The following GALNT1 variants were observed in gnomAD, a reference collection of about 807,000 sequenced individuals.
GALNT1 encodes polypeptide N-acetylgalactosaminyltransferase 1, also known as GalNAc transferase 1.
In GALNT1, 17 loss-of-function variants were observed where a neutral mutation model predicts 65.7. The ratio of observed to expected loss-of-function variants is 0.26; its 90% CI spans 0.18 to 0.39. The LOEUF is 0.39. Ranked by LOEUF, GALNT1 falls within the 10% of genes least tolerant of loss-of-function variation. The probability of loss-of-function intolerance (pLI) is 1.00; values close to 1 mark genes in which losing one functional copy is unlikely to be tolerated. For missense variants in GALNT1, 460 were observed against 672.8 expected, an observed-to-expected ratio of 0.68 and a Z score of 3.50; for synonymous variants, 210 against 219.7, an observed-to-expected ratio of 0.96 and a Z score of 0.39.
intron 5 of GALNT1, among the ~76,000 whole-genome samples, chr18:35,685,420 T>G (rs1271002264): frequency 1.3e-5 from 2 of 152,036 alleles, no homozygotes; most frequent in Non-Finnish European, 2.9e-5. Flanking sequence ...CATGAATTTA[T>G]TGTTAGAAAA....
At chr18:35,642,831 A>T (rs1364323559) in intron 1 of GALNT1, among the ~76,000 whole-genome samples, 3 of 152,128 alleles carry the variant, frequency 2.0e-5, no homozygotes, top group African/African-American at 4.8e-5. Flanking sequence ...GACTAATAGG[A>T]TTCCTCGTTG....
chr18:35,637,796 G>A (rs375315100), intron 1 of GALNT1, among the ~76,000 whole-genome samples: 30 of 152,296 alleles, frequency 2.0e-4, no homozygotes, highest in Non-Finnish European at 3.7e-4. Flanking sequence ...ACTTTAAAGC[G>A]TCAAAGAACA....
chr18:35,697,800 T>G (rs1326878619), intron 9 of GALNT1, among the ~76,000 whole-genome samples: 2 of 152,226 alleles, frequency 1.3e-5, no homozygotes, highest in Non-Finnish European at 2.9e-5. Context: ...TCCTCACCCT[T>G]TATGATACTC....
intron 1 of GALNT1, among the ~76,000 whole-genome samples, chr18:35,604,563 A>G (rs1466236548): frequency 6.6e-6 from 1 of 152,216 alleles, no homozygotes; most frequent in African/African-American, 2.4e-5. Context: ...TTTTCCCTAC[A>G]GCTGCACCAG....
intron 1 of GALNT1, among the ~76,000 whole-genome samples, chr18:35,652,349 G>A (rs2047322254): frequency 6.6e-6 from 1 of 152,098 alleles, no homozygotes; most frequent in African/African-American, 2.4e-5. Context: ...TCCTTCCTCT[G>A]ACTTTTCATG....
At position 35,702,985 on chromosome 18, in the gene GALNT1, G is replaced by A. The variant is rs1322092034; in HGVS notation, c.1388G>A (p.Gly463Glu). Residue 463 changes from glycine to glutamate, a missense_variant, in exon 10 of 12, where the codon GGG becomes GAG. Transcript: ENST00000269195. Reference protein sequence around the residue: ...KVGIFNCHGMGGNQVFSYTAN... With the variant: ...KVGIFNCHGMEGNQVFSYTAN... ...GGAATTTTTAATTGCCATGGTATGG[G>A]GGGTAATCAGGTGAGTATCTTAGAA... is the stretch of plus-strand genomic sequence containing the variant. 6.3e-7 allele frequency: 1 copy of A among 1,595,936 alleles called. No homozygotes were observed. The highest frequency in any genetic ancestry group is 8.6e-7 in the Non-Finnish European group (1 of 1,169,326).
At chr18:35,657,132 G>A (rs1185279811) in intron 2 of GALNT1, among the ~76,000 whole-genome samples, 1 of 152,012 alleles carries the variant, frequency 6.6e-6, no homozygotes, top group South Asian at 2.1e-4. Flanking sequence ...ATGTCGCTCT[G>A]TCACCAAGGC....
intron 1 of GALNT1, among the ~76,000 whole-genome samples, chr18:35,583,003 G>A (rs1038588099): frequency 6.6e-6 from 1 of 152,126 alleles, no homozygotes; most frequent in African/African-American, 2.4e-5. Flanking sequence ...GAACAGCCCT[G>A]GTCTAAATTA....
intron 7 of GALNT1, 130 bp from the exon 8 acceptor site, chr18:35,690,882 A>G (rs1218143241): frequency 1.1e-5 from 8 of 758,034 alleles, no homozygotes; most frequent in Non-Finnish European, 8.3e-6. Flanking sequence ...TAACTACAAT[A>G]TGTTCCATTT....
At chr18:35,602,457 C>T (rs12966427) in intron 1 of GALNT1, among the ~76,000 whole-genome samples, 15,587 of 151,984 alleles carry the variant, frequency 0.1, 878 homozygotes, top group Admixed American at 0.18. Flanking sequence ...TTTCTATCCC[C>T]GTCTTTCTCA....
intron 9 of GALNT1, among the ~76,000 whole-genome samples, chr18:35,700,303 A>C (rs2048139124): frequency 6.6e-6 from 1 of 152,194 alleles, no homozygotes; most frequent in South Asian, 2.1e-4. Flanking sequence ...TCTAATGTGA[A>C]ATTCACTTAG....
chr18:35,664,454 T>A (rs988057524), intron 3 of GALNT1: 2 of 152,238 alleles, frequency 1.3e-5, no homozygotes, highest in Non-Finnish European at 2.9e-5. Context: ...TATTTATACA[T>A]TGATAGACCT....
chr18:35,647,452 T>C (rs1183519150), intron 1 of GALNT1, among the ~76,000 whole-genome samples: 1 of 92,314 alleles, frequency 1.1e-5, no homozygotes, highest in Non-Finnish European at 2.1e-5. Flanking sequence ...AATTAATACA[T>C]TGATTATAGT....
intron 1 of GALNT1, among the ~76,000 whole-genome samples, chr18:35,651,083 C>A (rs1202561226): frequency 6.6e-6 from 1 of 152,126 alleles, no homozygotes; most frequent in African/African-American, 2.4e-5. Flanking sequence ...GTTCTTCTGC[C>A]ATGGCTTCAG....
At chr18:35,591,873 A>G (rs1305608658) in intron 1 of GALNT1, 1 of 154,350 alleles carries the variant, frequency 6.5e-6, no homozygotes, top group Admixed American at 6.5e-5. Flanking sequence ...TCAATGGGTG[A>G]AGGAAAAATA....
chr18:35,707,908 A>G (rs1015910451), intron 11 of GALNT1, among the ~76,000 whole-genome samples: 1 of 152,232 alleles, frequency 6.6e-6, no homozygotes, highest in South Asian at 2.1e-4. Context: ...GATTGTGTCC[A>G]TGACTGCTCA....
chr18:35,627,765 C>A (rs1462480122), intron 1 of GALNT1, among the ~76,000 whole-genome samples: 1 of 151,276 alleles, frequency 6.6e-6, no homozygotes, highest in Non-Finnish European at 1.5e-5. Context: ...TGAAGCAGGG[C>A]GAGGCATCAC....
chr18:35,591,408 C>T (rs761535326), intron 1 of GALNT1, among the ~76,000 whole-genome samples: 1 of 152,156 alleles, frequency 6.6e-6, no homozygotes, highest in Non-Finnish European at 1.5e-5. Context: ...ATATCTCTGG[C>T]CATATACCAA....
intron 10 of GALNT1, 57 bp downstream of exon 10, chr18:35,703,052 CT>C (rs34294638): frequency 1.2e-4 from 116 of 997,302 alleles, no homozygotes; most frequent in South Asian, 2.8e-4. Flanking sequence ...TTTACTTTGC[CT>C]TTTTTTTATA....
Sources: gnomAD v4.1 joint callset for allele counts (sites outside exome capture counted in the v4.1 genomes callset) on GRCh38, gnomAD v4.1.1 for gene constraint, MANE v1.5 for transcripts, NCBI Gene and HGNC (gene_info 2026-07-23, HGNC 2026-07-21) for gene names.